Variants in KIAA1328 observed in about 807,000 individuals in gnomAD.
KIAA1328 encodes the protein protein hinderin.
In KIAA1328, 52 loss-of-function variants were observed where a neutral mutation model predicts 68.1. The observed-to-expected ratio is 0.76, with a 90% CI of 0.61 to 0.96. KIAA1328 has a LOEUF of 0.96. KIAA1328 is among the 40% of genes least tolerant of loss of function. The pLI, the probability that KIAA1328 is intolerant of heterozygous loss-of-function variation, is 0.00. For synonymous variants in KIAA1328, 232 were observed against 239.4 expected (o/e 0.97, Z 0.28); for missense variants, 641 against 677.6 (o/e 0.95, Z 0.60).
intron 5 of KIAA1328, among the ~76,000 whole-genome samples, chr18:36,944,353 C>T (rs1169241327): frequency 6.6e-6 from 1 of 152,002 alleles, no homozygotes; most frequent in Non-Finnish European, 1.5e-5. Context: ...ACAAGGCGGG[C>T]GGATCACAAG....
intron 7 of KIAA1328, among the ~76,000 whole-genome samples, chr18:37,096,174 C>A (rs1475732339): frequency 6.6e-6 from 1 of 152,046 alleles, no homozygotes; most frequent in African/African-American, 2.4e-5. Flanking sequence ...TGTGCTGCAC[C>A]CATTAACTCG....
intron 6 of KIAA1328, among the ~76,000 whole-genome samples, chr18:37,013,742 C>G (rs180848133): frequency 1.3e-5 from 2 of 152,156 alleles, no homozygotes; most frequent in Non-Finnish European, 2.9e-5. Context: ...ATCTAATTCA[C>G]TATTGATAGG....
At chr18:36,984,669 A>G (rs1052394212) in intron 6 of KIAA1328, among the ~76,000 whole-genome samples, 1 of 152,124 alleles carries the variant, frequency 6.6e-6, no homozygotes, top group African/African-American at 2.4e-5. Context: ...GAACTTTGGG[A>G]GGCTGAGACA....
intron 5 of KIAA1328, among the ~76,000 whole-genome samples, chr18:36,928,494 T>TA (rs2050200657): frequency 6.6e-6 from 1 of 152,222 alleles, no homozygotes; most frequent in Non-Finnish European, 1.5e-5. Context: ...GATTAGTAAG[T>TA]ACAATATCTG....
intron 6 of KIAA1328, among the ~76,000 whole-genome samples, chr18:37,005,741 G>A (rs959633228): frequency 1.3e-5 from 2 of 151,964 alleles, no homozygotes; most frequent in Admixed American, 1.3e-4. Context: ...AGAAAATGTA[G>A]TATATCTACA....
intron 5 of KIAA1328, among the ~76,000 whole-genome samples, chr18:36,947,417 T>C (rs963105092): frequency 6.6e-6 from 1 of 152,140 alleles, no homozygotes; most frequent in Non-Finnish European, 1.5e-5. Context: ...AATCAATACA[T>C]GTAAAGTGTA....
chr18:37,134,765 C>G (rs2058604715), intron 7 of KIAA1328, among the ~76,000 whole-genome samples: 1 of 152,062 alleles, frequency 6.6e-6, no homozygotes, highest in South Asian at 2.1e-4. Context: ...CTGGGTATAT[C>G]TTGTGATGCT....
intron 7 of KIAA1328, among the ~76,000 whole-genome samples, chr18:37,154,619 A>C (rs1262067264): frequency 6.6e-6 from 1 of 152,158 alleles, no homozygotes; most frequent in Non-Finnish European, 1.5e-5. Context: ...CCATAGCTAA[A>C]GAATTTCTGC....
intron 5 of KIAA1328, among the ~76,000 whole-genome samples, chr18:36,944,305 G>A (rs78946823): frequency 0.022 from 3,391 of 152,058 alleles, 64 homozygotes; most frequent in Non-Finnish European, 0.033. Context: ...GGGGCCAGGC[G>A]CGGTGGCTCA....
chr18:37,157,247 A>G (rs1343359593), intron 7 of KIAA1328, among the ~76,000 whole-genome samples: 1 of 152,150 alleles, frequency 6.6e-6, no homozygotes, highest in Admixed American at 6.5e-5. Context: ...TGGAAGGGAC[A>G]TGGTGAGAGT....
chr18:37,074,277 G>C (rs1457005328), intron 7 of KIAA1328, among the ~76,000 whole-genome samples: 1 of 152,134 alleles, frequency 6.6e-6, no homozygotes, highest in African/African-American at 2.4e-5. Flanking sequence ...CAAAAACAAA[G>C]CCCGGGAAAC....
At chr18:36,919,538 G>C (rs955862658) in intron 5 of KIAA1328, among the ~76,000 whole-genome samples, 2 of 152,158 alleles carry the variant, frequency 1.3e-5, no homozygotes, top group Non-Finnish European at 2.9e-5. Context: ...AGTGTTGCAA[G>C]TACATGTCTT....
intron 7 of KIAA1328, among the ~76,000 whole-genome samples, chr18:37,086,111 A>G (rs2057096160): frequency 6.6e-6 from 1 of 152,194 alleles, no homozygotes; most frequent in African/African-American, 2.4e-5. Flanking sequence ...GTCTTTGCTC[A>G]AAGACTGCAA....
At position 36,885,537 on chromosome 18, in the gene KIAA1328, T is replaced by C. The variant is rs200327896; in HGVS notation, c.333-20T>C. On this transcript the variant is annotated intron_variant, in intron 4 of 9. Transcript: ENST00000280020. ...ATTTTATTCTGATAGATGTTAAAGG[T>C]TTTTTTTTTTTTATTTCAGAGTAAG... is the stretch of plus-strand genomic sequence containing the variant. The C allele has an allele frequency of 4.3e-5, 25 of 581,074 alleles. No individual in the cohort carries two copies. The Admixed American group carries it at 1.2e-3, about 27-fold the overall frequency. The allele number at this position is 581,074 out of a possible 1,614,324, so 36.0% of individuals were successfully genotyped here. A position where few individuals can be genotyped will look rare whatever the true frequency, so the allele number is the denominator to read the frequency against.
chr18:37,160,175 A>T, intron 7 of KIAA1328, 25 bp from the exon 8 acceptor site: 1 of 1,595,094 alleles, frequency 6.3e-7, no homozygotes, highest in Non-Finnish European at 8.6e-7. Flanking sequence ...TGCCTTCAAC[A>T]GTTCATTCAT....
intron 7 of KIAA1328, among the ~76,000 whole-genome samples, chr18:37,080,973 CATTG>C (rs1350858484): frequency 1.3e-5 from 2 of 151,264 alleles, no homozygotes; most frequent in African/African-American, 4.9e-5. Context: ...TCAAGACATA[CATTG>C]ATTGATTGGT....
intron 6 of KIAA1328, among the ~76,000 whole-genome samples, chr18:37,011,189 T>C (rs2053967630): frequency 6.6e-6 from 1 of 152,210 alleles, no homozygotes; most frequent in Middle Eastern, 3.4e-3. Context: ...CCCTAAAGGG[T>C]TTCAGTCTAA....
intron 7 of KIAA1328, among the ~76,000 whole-genome samples, chr18:37,106,673 A>G (rs569531383): frequency 6.6e-6 from 1 of 152,062 alleles, no homozygotes; most frequent in Non-Finnish European, 1.5e-5. Flanking sequence ...TGGCCTCCCA[A>G]AGTTCTGGGA....
At chr18:37,157,908 A>G (rs560991992) in intron 7 of KIAA1328, among the ~76,000 whole-genome samples, 1 of 151,676 alleles carries the variant, frequency 6.6e-6, no homozygotes, top group Non-Finnish European at 1.5e-5. Flanking sequence ...ATTCTCTTAT[A>G]GAATGATATT....
Sources: allele counts gnomAD v4.1 joint callset (sites outside exome capture counted in the v4.1 genomes callset), GRCh38; gene constraint gnomAD v4.1.1; transcripts MANE v1.5; gene names NCBI Gene and HGNC (gene_info 2026-07-23, HGNC 2026-07-21).